The following FARSA variants were observed in gnomAD, a reference collection of about 807,000 sequenced individuals.
FARSA encodes the protein phenylalanine--tRNA ligase alpha subunit.
In FARSA, 37 loss-of-function variants were observed where a neutral mutation model predicts 63.2. That is an observed-to-expected ratio of 0.59 (90% confidence interval 0.45 to 0.77). The LOEUF (loss-of-function observed/expected upper bound fraction) is 0.77, where lower values mean the gene tolerates loss of function less well. Among genes scored for constraint, FARSA ranks in the 30% least tolerant of loss-of-function variants. The pLI is 0.00. For synonymous variants in FARSA, 312 were observed against 285.1 expected (o/e 1.09, Z -0.95); for missense variants, 618 against 696.6 (o/e 0.89, Z 1.27).
chr19:12,930,296 G>A lies in FARSA; in HGVS notation c.430C>T (p.Arg144Trp), dbSNP rs1039345146. The change falls in exon 4 of 13, where the codon CGG becomes TGG. Residue 144 changes from arginine to tryptophan, a missense_variant. Transcript: ENST00000314606. ...CCCAGCTTCTCAGCCTGTCCCCCCC[G>A]GACCAGCTGGAGCCGCCGCTGCACC... ...DEVQRRLQLV[R>W]GGQAEKLGEK... 30 of 1,613,834 alleles carry A rather than the reference G, an allele frequency of 1.9e-5. No homozygotes were observed. Among genetic ancestry groups the A allele is most frequent in the East Asian group, 6.7e-5 (3 of 44,884 alleles).
Position 12,928,758 on chromosome 19 carries a change from G to C in FARSA, c.593C>G (p.Ser198Cys). Residue 198 changes from serine to cysteine, a missense_variant, in exon 5 of 13, where the codon TCC becomes TGC. Physicochemically the swap from Ser to Cys is moderately radical, Grantham distance 112. Transcript: ENST00000314606. ...TGACCCTGGGGTTGCCTGCTACCTG[G>C]AGATCATCTCTGGGCTCAGCTCTGT... is the stretch of plus-strand genomic sequence containing the variant. ...QETELSPEMI[S>C]SGSWRDRPFK... The C allele has an allele frequency of 6.2e-7, 1 of 1,614,164 alleles. No homozygotes were observed. Among genetic ancestry groups the C allele is most frequent in the Non-Finnish European group, 8.5e-7 (1 of 1,180,034 alleles).
Position 12,922,700 on chromosome 19 carries a change from G to A in FARSA, c.*48C>T, listed in dbSNP as rs78937739. On this transcript the variant is annotated 3_prime_UTR_variant, in exon 13 of 13. Transcript: ENST00000314606. ...TCACTGGCCAGGGATGCAAAGGAGCGCAGCAGCAGGGACTCGGGGAGGATG... is the reference window on the plus strand; with the variant it reads ...TCACTGGCCAGGGATGCAAAGGAGCACAGCAGCAGGGACTCGGGGAGGATG... The A allele has an allele frequency of 6.2e-3, 9,941 of 1,606,570 alleles. 533 individuals carry two copies. In the African/African-American group the frequency reaches 0.12, roughly 19 times the overall value.
In FARSA at chr19:12,930,606, TC is replaced by T; in HGVS notation, c.285+5del. The stretch of plus-strand genomic sequence containing the variant: ...ACTCACTCCCCATTCACCCCGCAGC[TC>T]CTACCATAAGCTCGCTCTGGGCCAG... On this transcript the variant is annotated splice_donor_5th_base_variant and intron_variant, in intron 2 of 12. Coordinates refer to ENST00000314606, the MANE Select transcript of FARSA (RefSeq NM_004461.3). 1 of 1,609,240 alleles carries T rather than the reference TC, an allele frequency of 6.2e-7. No individual in the cohort carries two copies. Among genetic ancestry groups the T allele is most frequent in the Non-Finnish European group, 8.5e-7 (1 of 1,176,672 alleles).
At chr19:12,930,123 A>G in intron 4 of FARSA, 100 bp downstream of exon 4, 1 of 930,906 alleles carries the variant, frequency 1.1e-6, no homozygotes, top group Non-Finnish European at 1.7e-6. Flanking sequence ...GAAACTGGCC[A>G]CACCTGTGCT....
In FARSA at chr19:12,928,339, C is replaced by T; in HGVS notation, c.841+3G>A. The T allele has an allele frequency of 6.2e-7, 1 of 1,613,262 alleles. No individual in the cohort carries two copies. Among genetic ancestry groups the T allele is most frequent in the South Asian group, 1.1e-5 (1 of 91,024 alleles). On this transcript the variant is annotated splice_donor_region_variant and intron_variant, in intron 7 of 12. Coordinates refer to ENST00000314606, the MANE Select transcript of FARSA (RefSeq NM_004461.3). ...CTCAGGGAGGCCCTAGGGGCTGACC[C>T]ACCTCGAAGGAAGAAGGTGTCGTGC...
At position 12,928,550 on chromosome 19, in the gene FARSA, ATC is replaced by A. The variant is rs751646204; in HGVS notation, c.708_709del (p.Gln236HisfsTer13). On this transcript the variant is annotated frameshift_variant, in exon 6 of 13. Coordinates refer to ENST00000314606, the MANE Select transcript of FARSA (RefSeq NM_004461.3). LOFTEE classifies it high-confidence loss of function. ...CTGTGCTCACCCCATCTCCAGGAAG[ATC>A]TGTCGGAACTGGGAGCGGACCTTGA... 6.2e-7 allele frequency: 1 copy of A among 1,614,094 alleles called. No individual in the cohort carries two copies. Among genetic ancestry groups the A allele is most frequent in the Non-Finnish European group, 8.5e-7 (1 of 1,179,982 alleles).
Position 12,928,606 on chromosome 19 carries a change from G to A in FARSA, c.654C>T (p.Leu218=), listed in dbSNP as rs752985201. 2 of 1,612,518 alleles carry A rather than the reference G, an allele frequency of 1.2e-6. No homozygotes were observed. Among genetic ancestry groups the A allele is most frequent in the Non-Finnish European group, 1.7e-6 (2 of 1,179,296 alleles). Residue 218 remains leucine (L), a synonymous_variant, in exon 6 of 13, where the codon CTC becomes CTT. Coordinates refer to ENST00000314606, the MANE Select transcript of FARSA (RefSeq NM_004461.3). ...KPYNFLAHGV[L]PDSGHLHPLL... is the part of the protein sequence containing the mutation. The stretch of plus-strand genomic sequence containing the variant: ...GCGGGTGAAGGTGGCCGCTGTCGGG[G>A]AGGACACCGTGGGCCAAGAAGTTGT...
chr19:12,928,525 C>A lies in FARSA; in HGVS notation c.725+10G>T, dbSNP rs751930118. ...GAAGCACCAGGCACCGCCCCCAGCC[C>A]TGTGCTCACCCCATCTCCAGGAAGA... On this transcript the variant is annotated intron_variant, in intron 6 of 12. Transcript: ENST00000314606. 3.1e-6 allele frequency: 5 copies of A among 1,614,020 alleles called. No homozygotes were observed. The highest frequency in any genetic ancestry group is 1.3e-5 in the African/African-American group (1 of 74,944).
In FARSA at chr19:12,923,903, C is replaced by T. The variant is rs534325244; in HGVS notation, c.1388+248G>A. Among the ~76,000 whole-genome samples, 8 of 152,352 alleles carry T rather than the reference C, an allele frequency of 5.3e-5. No homozygotes were observed. The South Asian group carries it at 1.2e-3, about 24-fold the overall frequency. ...CTGGGATGACAGGCATGAGCTACCACGCCTGGCCTGATGTACTTGTTGGTC... is the reference window on the plus strand; with the variant it reads ...CTGGGATGACAGGCATGAGCTACCATGCCTGGCCTGATGTACTTGTTGGTC... On this transcript the variant is annotated intron_variant, in intron 12 of 12. Transcript: ENST00000314606.
chr19:12,928,756 T>G lies in FARSA; in HGVS notation c.595A>C (p.Ser199Arg). 3 of 1,607,630 alleles carry G rather than the reference T, an allele frequency of 1.9e-6. No individual in the cohort carries two copies. The highest frequency in any genetic ancestry group is 2.6e-6 in the Non-Finnish European group (3 of 1,176,124). ...CCTGACCCTGGGGTTGCCTGCTACC[T>G]GGAGATCATCTCTGGGCTCAGCTCT... ...ETELSPEMISSGSWRDRPFKP... is the reference protein window; with the variant it reads ...ETELSPEMISRGSWRDRPFKP... The change falls in exon 5 of 13, where the codon AGT becomes CGT. Residue 199 changes from serine (S) to arginine (R), a missense_variant and splice_region_variant. Ser to Arg is a moderately radical substitution (Grantham distance 110). Transcript: ENST00000314606.
rs755641644 is a variant in FARSA at position 12,928,394 on chromosome 19, G to A, written c.789C>T (p.Phe263=). The A allele has an allele frequency of 1.2e-6, 2 of 1,614,060 alleles. No homozygotes were observed. The highest frequency in any genetic ancestry group is 2.2e-5 in the South Asian group (2 of 91,082). ...CACGGGCTGGGTGCTGCTGGGGCTGGAAGAGGGCGTCAAAGTTCCAGAAGG... is the reference window on the plus strand; with the variant it reads ...CACGGGCTGGGTGCTGCTGGGGCTGAAAGAGGGCGTCAAAGTTCCAGAAGG... ...ESSFWNFDAL[F]QPQQHPARDQ... is the part of the protein sequence containing the mutation. Residue 263 remains phenylalanine (F), a synonymous_variant, in exon 7 of 13, where the codon TTC becomes TTT. Transcript: ENST00000314606.
intron 7 of FARSA, among the ~76,000 whole-genome samples, chr19:12,927,403 C>G (rs1263561086): frequency 6.6e-6 from 1 of 151,400 alleles, no homozygotes; most frequent in Non-Finnish European, 1.5e-5. Flanking sequence ...TTGAGACCAG[C>G]CTGGGCAACA....
At chr19:12,931,217 G>C (rs772486094) in intron 1 of FARSA, among the ~76,000 whole-genome samples, 1 of 152,048 alleles carries the variant, frequency 6.6e-6, no homozygotes, top group Non-Finnish European at 1.5e-5. Flanking sequence ...CGCCAGTCCC[G>C]AGTAGCTGGG....
intron 1 of FARSA, 119 bp downstream of exon 1, chr19:12,933,431 A>C: frequency 3.4e-6 from 4 of 1,190,436 alleles, no homozygotes; most frequent in Non-Finnish European, 4.6e-6. Context: ...CCCGGAGTGG[A>C]CACATATACA....
Position 12,933,558 on chromosome 19 carries a change from GC to G in FARSA, c.138del (p.Leu47TrpfsTer113). ...TCACGGGCCCGGCTCACCTCGCCCA[GC>G]GCCTGAAGGCTCTTCACGGCGCCCA... ...AVVGAVKSLQALGEVIEAELR... is the reference protein window; with the variant it reads ...AVVGAVKSLQXLGEVIEAELR... On this transcript the variant is annotated frameshift_variant, in exon 1 of 13. Transcript: ENST00000314606. LOFTEE classifies it high-confidence loss of function. 6.5e-7 allele frequency: 1 copy of G among 1,544,134 alleles called. No individual in the cohort carries two copies. Among genetic ancestry groups the G allele is most frequent in the Non-Finnish European group, 8.7e-7 (1 of 1,149,562 alleles).
intron 7 of FARSA, among the ~76,000 whole-genome samples, chr19:12,927,197 G>T (rs1341341381): frequency 2.0e-5 from 3 of 152,236 alleles, no homozygotes; most frequent in African/African-American, 7.2e-5. Context: ...CGTGAGCAGA[G>T]ATTTGAGGCT....
At position 12,922,795 on chromosome 19, in the gene FARSA, G is replaced by C. The variant is rs774024421; in HGVS notation, c.1480C>G (p.Arg494Gly). The C allele has an allele frequency of 4.3e-6, 7 of 1,614,100 alleles. No individual in the cohort carries two copies. The highest frequency in any genetic ancestry group is 4.2e-6 in the Non-Finnish European group (5 of 1,180,020). The change falls in exon 13 of 13, where the codon CGC becomes GGC. Residue 494 changes from arginine to glycine, a missense_variant. By Grantham distance (125) the Arg-to-Gly change is moderately radical. Coordinates refer to ENST00000314606, the MANE Select transcript of FARSA (RefSeq NM_004461.3). ...LQMVYDSPLC[R>G]LDAEPRPPPT... ...GGGGGCCTCGGCTCGGCATCCAGGC[G>C]GCACAGGGGACTGTCATACACCATC... is the stretch of plus-strand genomic sequence containing the variant.
rs767124931 is a variant in FARSA, at chr19:12,930,640, G to A, written c.257C>T (p.Pro86Leu). 21 of 1,613,156 alleles carry A rather than the reference G, an allele frequency of 1.3e-5. No homozygotes were observed. The highest frequency in any genetic ancestry group is 1.7e-5 in the Non-Finnish European group (20 of 1,179,420). Residue 86 changes from proline to leucine, a missense_variant, in exon 2 of 13, where the codon CCA becomes CTA. Pro to Leu is a moderately conservative substitution (Grantham distance 98). Transcript: ENST00000314606. ...HEARVFRSIP[P>L]EGLAQSELMR... Reference sequence around the variant, plus strand: ...AAGCTCGCTCTGGGCCAGGCCCTCTGGGGGAATGCTTCGAAACACACGGGC... The same window carrying A: ...AAGCTCGCTCTGGGCCAGGCCCTCTAGGGGAATGCTTCGAAACACACGGGC...
At position 12,922,621 on chromosome 19, in the gene FARSA, G is replaced by C; in HGVS notation, c.*127C>G. 8.3e-7 allele frequency: 1 copy of C among 1,202,718 alleles called. No individual in the cohort carries two copies. The highest frequency in any genetic ancestry group is 1.2e-6 in the Non-Finnish European group (1 of 856,364). 74.5% of individuals were successfully genotyped at this position (1,202,718 alleles called of 1,614,324 possible). On this transcript the variant is annotated 3_prime_UTR_variant, in exon 13 of 13. Transcript: ENST00000314606. ...TCCCTGGGATTCTGGTCCTGGGACA[G>C]GTGGGAAAGAGGAAGGTGGGGGCTG...
Sources: allele counts gnomAD v4.1 joint callset (sites outside exome capture counted in the v4.1 genomes callset), GRCh38; gene constraint gnomAD v4.1.1; transcripts MANE v1.5; gene names NCBI Gene and HGNC (gene_info 2026-07-23, HGNC 2026-07-21).